The following ATRNL1 variants were observed in gnomAD, a reference collection of about 807,000 sequenced individuals.
The protein encoded by ATRNL1 is attractin-like protein 1.
In ATRNL1, 95 loss-of-function variants were observed where a neutral mutation model predicts 182.7. The observed-to-expected ratio is 0.52, with a 90% CI of 0.44 to 0.62. The LOEUF is 0.62. Ranked by LOEUF, ATRNL1 falls within the 20% of genes least tolerant of loss-of-function variation. ATRNL1 has a pLI of 0.00. For missense variants in ATRNL1, 1,471 were observed against 1,679.5 expected (o/e 0.88, Z 2.17); for synonymous variants, 576 against 568.3 (o/e 1.01, Z -0.19).
At chr10:115,619,758 A>G (rs1200518995) in intron 26 of ATRNL1, among the ~76,000 whole-genome samples, 1 of 152,196 alleles carries the variant, frequency 6.6e-6, no homozygotes, top group Non-Finnish European at 1.5e-5. Context: ...TAAAAATTTC[A>G]TTTATAAAGT....
intron 9 of ATRNL1, among the ~76,000 whole-genome samples, chr10:115,219,032 T>C (rs1264750): frequency 0.67 from 101,264 of 151,842 alleles, 34,495 homozygotes; most frequent in Middle Eastern, 0.75. Flanking sequence ...GTCAGGAGTT[T>C]GAGACCAGCC....
intron 15 of ATRNL1, among the ~76,000 whole-genome samples, chr10:115,290,484 G>T (rs1319384359): frequency 6.6e-6 from 1 of 152,052 alleles, no homozygotes; most frequent in African/African-American, 2.4e-5. Flanking sequence ...GTGAAACGCC[G>T]TCTCTACTAA....
At chr10:115,263,004 A>G (rs1851455566) in intron 10 of ATRNL1, among the ~76,000 whole-genome samples, 1 of 151,912 alleles carries the variant, frequency 6.6e-6, no homozygotes, top group African/African-American at 2.4e-5. Flanking sequence ...AATCTAGAGA[A>G]ACATTCAAAA....
chr10:115,587,054 G>A (rs1855559582), intron 26 of ATRNL1, among the ~76,000 whole-genome samples: 1 of 149,928 alleles, frequency 6.7e-6, no homozygotes, highest in Non-Finnish European at 1.5e-5. Context: ...GTGCCTCCCA[G>A]TTAGGCTGCT....
At chr10:115,283,453 G>A (rs78313041) in intron 14 of ATRNL1, among the ~76,000 whole-genome samples, 237 of 152,170 alleles carry the variant, frequency 1.6e-3, no homozygotes, top group African/African-American at 5.5e-3. Context: ...TGAGGCGCTG[G>A]AATGTCATTC....
At chr10:115,724,520 T>C (rs1299750362) in intron 26 of ATRNL1, among the ~76,000 whole-genome samples, 2 of 152,176 alleles carry the variant, frequency 1.3e-5, no homozygotes, top group Non-Finnish European at 2.9e-5. Context: ...GTTATCTCTT[T>C]AGTCTCAACC....
chr10:115,509,894 A>G (rs1554982232), intron 24 of ATRNL1, among the ~76,000 whole-genome samples: 2 of 152,010 alleles, frequency 1.3e-5, no homozygotes, highest in East Asian at 1.9e-4. Context: ...CATCATTCTA[A>G]TTGCCTTTGA....
chr10:115,693,280 G>T (rs1212483378), intron 26 of ATRNL1, among the ~76,000 whole-genome samples: 3 of 152,002 alleles, frequency 2.0e-5, no homozygotes, highest in Non-Finnish European at 2.9e-5. Flanking sequence ...AATGAAATGG[G>T]ACTTAAATTC....
At chr10:115,431,633 C>A (rs1392028009) in intron 21 of ATRNL1, among the ~76,000 whole-genome samples, 8 of 151,896 alleles carry the variant, frequency 5.3e-5, no homozygotes, top group African/African-American at 1.9e-4. Context: ...TAAAAGTTAG[C>A]TCAATATCTT....
At chr10:115,819,213 G>T (rs545319888) in intron 27 of ATRNL1, among the ~76,000 whole-genome samples, 1 of 147,712 alleles carries the variant, frequency 6.8e-6, no homozygotes, top group African/African-American at 2.5e-5. Context: ...CCACCAGCTT[G>T]CTAGACATCT....
chr10:115,374,453 T>TTCCCTTCCTTCCTTCCTTCCTTCCTTCC (rs1421460494), intron 19 of ATRNL1, among the ~76,000 whole-genome samples: 1 of 135,798 alleles, frequency 7.4e-6, no homozygotes, highest in African/African-American at 2.9e-5. Context: ...CCTTCCTTCC[T>TTCCCTTCCTTCCTTCCTTCCTTCCTTCC]TTCCTTCCTT....
At chr10:115,934,606 ATC>A (rs1555122425) in intron 28 of ATRNL1, among the ~76,000 whole-genome samples, 1 of 151,950 alleles carries the variant, frequency 6.6e-6, no homozygotes, top group Non-Finnish European at 1.5e-5. Flanking sequence ...TCTCCTAAAT[ATC>A]TATCCTGTCC....
At chr10:115,108,982 C>T (rs1361404613) in intron 1 of ATRNL1, among the ~76,000 whole-genome samples, 1 of 152,146 alleles carries the variant, frequency 6.6e-6, no homozygotes, top group Non-Finnish European at 1.5e-5. Flanking sequence ...CTCTTTCCTC[C>T]TTTCTGTCTG....
chr10:115,771,230 C>CTT (rs35473711), intron 27 of ATRNL1, among the ~76,000 whole-genome samples: 6 of 131,544 alleles, frequency 4.6e-5, no homozygotes, highest in Non-Finnish European at 6.4e-5. Flanking sequence ...AGGATTCTTA[C>CTT]TTTTTTTTTT....
intron 8 of ATRNL1, among the ~76,000 whole-genome samples, chr10:115,197,206 A>G (rs1371578553): frequency 6.6e-6 from 1 of 152,132 alleles, no homozygotes; most frequent in Middle Eastern, 3.4e-3. Context: ...TTAAACTGCA[A>G]TTGCATTCTT....
chr10:115,430,552 A>G (rs2134410819), intron 21 of ATRNL1, among the ~76,000 whole-genome samples: 3 of 152,208 alleles, frequency 2.0e-5, no homozygotes, highest in South Asian at 4.1e-4. Flanking sequence ...TGCCTGTTAT[A>G]TAGGTAAATT....
chr10:115,895,297 G>A (rs766296693), intron 28 of ATRNL1, among the ~76,000 whole-genome samples: 3 of 152,170 alleles, frequency 2.0e-5, no homozygotes, highest in African/African-American at 4.8e-5. Flanking sequence ...CTGGTCCACC[G>A]GGGATACAGC....
At chr10:115,661,852 G>T (rs113090761) in intron 26 of ATRNL1, among the ~76,000 whole-genome samples, 1,720 of 151,950 alleles carry the variant, frequency 0.011, 36 homozygotes, top group African/African-American at 0.039. Context: ...ACCTGTGCCA[G>T]GTTGGTGTGC....
intron 1 of ATRNL1, among the ~76,000 whole-genome samples, chr10:115,116,573 C>A (rs1311708784): frequency 6.6e-6 from 1 of 152,004 alleles, no homozygotes; most frequent in Admixed American, 6.6e-5. Flanking sequence ...ATGCTTTGCC[C>A]AAGTGGCATG....
Sources: gnomAD v4.1 joint callset for allele counts (sites outside exome capture counted in the v4.1 genomes callset) on GRCh38, gnomAD v4.1.1 for gene constraint, MANE v1.5 for transcripts, NCBI Gene and HGNC (gene_info 2026-07-23, HGNC 2026-07-21) for gene names.